Variants in NRP1 observed in about 807,000 individuals in gnomAD.
NRP1 encodes the protein neuropilin 1, also known as neuropilin-1.
In NRP1, 35 loss-of-function variants were observed where a neutral mutation model predicts 106.7. The ratio of observed to expected loss-of-function variants is 0.33; its 90% confidence interval spans 0.25 to 0.43. NRP1 has a LOEUF of 0.43. Among genes scored for constraint, NRP1 ranks in the 20% least tolerant of loss-of-function variants. The pLI, the probability that NRP1 is intolerant of heterozygous loss-of-function variation, is 1.00. For synonymous variants in NRP1, 437 were observed against 417.9 expected, an observed-to-expected ratio of 1.05 and a Z score of -0.56; for missense variants, 1,024 against 1,170.4, an observed-to-expected ratio of 0.87 and a Z score of 1.83.
chr10:33,199,367 C>A (rs2474721), intron 11 of NRP1, among the ~76,000 whole-genome samples: 14,627 of 54,774 alleles, frequency 0.27, 2,309 homozygotes, highest in Middle Eastern at 0.38. Flanking sequence ...TGGCTGTTTT[C>A]TATATATATA....
At chr10:33,220,435 A>G (rs955876655) in intron 8 of NRP1, among the ~76,000 whole-genome samples, 4 of 152,210 alleles carry the variant, frequency 2.6e-5, no homozygotes, top group Admixed American at 2.6e-4. Flanking sequence ...GAGTGGGTCA[A>G]CTGATTCTGT....
chr10:33,254,117 T>C lies in NRP1; in HGVS notation c.892A>G (p.Ser298Gly). Reference protein sequence around the residue: ...SDQITASSQYSTNWSAERSRL... With the variant: ...SDQITASSQYGTNWSAERSRL... ...GAGCGCTCTGCAGACCAGTTGGTGC[T>C]ATACTGGGAAGAAGCTGTGATCTGG... Residue 298 changes from serine (S) to glycine (G), a missense_variant, in exon 6 of 17, where the codon AGC (serine) becomes GGC (glycine). Physicochemically the swap from Ser to Gly is moderately conservative, Grantham distance 56. This residue lies in a region of NRP1 where 562 missense variants were observed against 620.3 expected (regional missense o/e 0.91). Transcript: ENST00000374867. 3 of 1,614,026 alleles carry C rather than the reference T, an allele frequency of 1.9e-6. No homozygotes were observed. Among genetic ancestry groups the C allele is most frequent in the Non-Finnish European group, 2.5e-6 (3 of 1,179,944 alleles).
intron 3 of NRP1, among the ~76,000 whole-genome samples, chr10:33,267,909 AC>A (rs1440217656): frequency 6.6e-6 from 1 of 151,422 alleles, no homozygotes; most frequent in Non-Finnish European, 1.5e-5. Flanking sequence ...GAGCAATGCA[AC>A]CCGGGGACTC....
At chr10:33,218,908 C>T (rs566862239) in intron 8 of NRP1, among the ~76,000 whole-genome samples, 27 of 152,260 alleles carry the variant, frequency 1.8e-4, no homozygotes, top group Non-Finnish European at 3.5e-4. Context: ...TCCAGGCATA[C>T]AGGACACAAC....
chr10:33,249,085 T>G (rs868731498), intron 6 of NRP1, among the ~76,000 whole-genome samples: 180 of 37,914 alleles, frequency 4.7e-3, no homozygotes, highest in African/African-American at 0.034. Context: ...ATGTCTCTTG[T>G]TTTTTTTTTT....
chr10:33,208,177 C>G (rs1269189644), intron 9 of NRP1, among the ~76,000 whole-genome samples: 2 of 152,148 alleles, frequency 1.3e-5, no homozygotes, highest in African/African-American at 4.8e-5. Context: ...CTGCTTGCCT[C>G]TGCCTCCCAA....
At chr10:33,206,632 G>C (rs1837806578) in intron 10 of NRP1, among the ~76,000 whole-genome samples, 1 of 152,208 alleles carries the variant, frequency 6.6e-6, no homozygotes, top group African/African-American at 2.4e-5. Context: ...AAACAACTGT[G>C]AGCATATATG....
chr10:33,215,157 C>A (rs1411593973), intron 8 of NRP1, among the ~76,000 whole-genome samples: 1 of 152,142 alleles, frequency 6.6e-6, no homozygotes, highest in African/African-American at 2.4e-5. Context: ...ATTTGATTTT[C>A]TATTACTGAC....
chr10:33,218,359 G>C (rs12357439), intron 8 of NRP1, among the ~76,000 whole-genome samples: 41,855 of 145,740 alleles, frequency 0.29, 6,330 homozygotes, highest in East Asian at 0.62. Context: ...TTTTTTTTGA[G>C]ATGGAATCTT....
chr10:33,226,264 A>G lies in NRP1; in HGVS notation c.1007T>C (p.Val336Ala). ...IQVDLGLLRFVTAVGTQGAIS... is the reference protein window; with the variant it reads ...IQVDLGLLRFATAVGTQGAIS... ...GGCGCCCTGTGTCCCGACAGCCGTG[A>G]CAAAGCGCAGAAGGCCCAAGTCTAC... Residue 336 changes from valine (V) to alanine (A), a missense_variant, in exon 7 of 17, where the codon GTC (valine) becomes GCC (alanine). Around this residue, in one of 5 missense-constraint regions of NRP1, gnomAD observed 562 missense variants for 620.3 expected, o/e 0.91. Coordinates refer to ENST00000374867, the MANE Select transcript of NRP1 (RefSeq NM_003873.7). The G allele has an allele frequency of 6.2e-7, 1 of 1,614,128 alleles. No individual in the cohort carries two copies. Among genetic ancestry groups the G allele is most frequent in the Non-Finnish European group, 8.5e-7 (1 of 1,179,998 alleles).
intron 15 of NRP1, among the ~76,000 whole-genome samples, chr10:33,185,248 C>A (rs574909198): frequency 3.3e-5 from 5 of 152,222 alleles, no homozygotes; most frequent in African/African-American, 1.2e-4. Flanking sequence ...TTTTCAGAGG[C>A]CTGCTGTTTT....
At chr10:33,302,307 A>G (rs1845857476) in intron 2 of NRP1, among the ~76,000 whole-genome samples, 1 of 152,176 alleles carries the variant, frequency 6.6e-6, no homozygotes, top group Non-Finnish European at 1.5e-5. Flanking sequence ...CTGGGTTCCT[A>G]TGATATGCAG....
At chr10:33,264,367 T>C (rs577865240) in intron 3 of NRP1, among the ~76,000 whole-genome samples, 1 of 152,340 alleles carries the variant, frequency 6.6e-6, no homozygotes, top group Admixed American at 6.5e-5. Context: ...CCTATGCCTC[T>C]TTGACAAACG....
At chr10:33,221,937 G>A in intron 7 of NRP1, 74 bp from the exon 8 acceptor site, 1 of 1,483,594 alleles carries the variant, frequency 6.7e-7, no homozygotes, top group South Asian at 1.2e-5. Context: ...TTTCACAAAT[G>A]GTTGTAAAAA....
intron 6 of NRP1, among the ~76,000 whole-genome samples, chr10:33,232,568 C>T (rs1395206969): frequency 2.0e-5 from 3 of 151,192 alleles, no homozygotes; most frequent in East Asian, 1.9e-4. Context: ...TTATCGATGG[C>T]ATGTAGGCTA....
At chr10:33,265,359 C>T (rs541018611) in intron 3 of NRP1, among the ~76,000 whole-genome samples, 5 of 152,298 alleles carry the variant, frequency 3.3e-5, no homozygotes, top group South Asian at 2.1e-4. Flanking sequence ...TGAAGGCAGA[C>T]GTGATGGGGC....
At chr10:33,215,960 C>A (rs1423350016) in intron 8 of NRP1, among the ~76,000 whole-genome samples, 2 of 152,144 alleles carry the variant, frequency 1.3e-5, no homozygotes, top group African/African-American at 4.8e-5. Flanking sequence ...TTTCTGTTCC[C>A]TCCACAAGGA....
In NRP1 at chr10:33,202,962, T is replaced by A; in HGVS notation, c.1793A>T (p.Asn598Ile). The change falls in exon 11 of 17, where the codon AAC becomes ATC. Residue 598 changes from asparagine (N) to isoleucine (I), a missense_variant. By Grantham distance (149) the Asn-to-Ile change is moderately radical. Coordinates refer to ENST00000374867, the MANE Select transcript of NRP1 (RefSeq NM_003873.7). ...GTCGTCATCACATTCATCCACCAAGTTCCCGTTGGGAGTGGTCGGTCCAGC... is the reference window on the plus strand; with the variant it reads ...GTCGTCATCACATTCATCCACCAAGATCCCGTTGGGAGTGGTCGGTCCAGC... ...PTAGPTTPNG[N>I]LVDECDDDQA... The A allele has an allele frequency of 6.2e-7, 1 of 1,614,188 alleles. No individual in the cohort carries two copies. Among genetic ancestry groups the A allele is most frequent in the South Asian group, 1.1e-5 (1 of 91,080 alleles).
chr10:33,208,101 T>A (rs1837959412), intron 9 of NRP1, among the ~76,000 whole-genome samples: 1 of 152,124 alleles, frequency 6.6e-6, no homozygotes, highest in African/African-American at 2.4e-5. Context: ...AACTTTTGTA[T>A]TTTTTGCAGA....
Sources: allele counts gnomAD v4.1 joint callset (sites outside exome capture counted in the v4.1 genomes callset), GRCh38; gene constraint gnomAD v4.1.1; regional missense constraint gnomAD v4.1.1; transcripts MANE v1.5; gene names NCBI Gene and HGNC (gene_info 2026-07-23, HGNC 2026-07-21).